Variants in CLCF1 observed in about 807,000 individuals in gnomAD.
The protein encoded by CLCF1 is cardiotrophin like cytokine factor 1.
Under a neutral mutation model 21.2 loss-of-function variants are expected in CLCF1, and 10 were observed. The observed-to-expected ratio is 0.47, with a 90% CI of 0.29 to 0.80. The LOEUF (loss-of-function observed/expected upper bound fraction) is 0.80, where lower values mean the gene tolerates loss of function less well. Ranked by LOEUF, CLCF1 falls within the 30% of genes least tolerant of loss-of-function variation. CLCF1 has a pLI of 0.09. For missense variants in CLCF1, 240 were observed against 293.4 expected (o/e 0.82, Z 1.33); for synonymous variants, 115 against 120.5 (o/e 0.95, Z 0.30).
chr11:67,366,522 T>C (rs1345050312), intron 2 of CLCF1, among the ~76,000 whole-genome samples: 1 of 152,032 alleles, frequency 6.6e-6, no homozygotes, highest in Non-Finnish European at 1.5e-5. Context: ...AGGAAGGCTA[T>C]GGAAGACAGC....
At position 67,364,925 on chromosome 11, in the gene CLCF1, C is replaced by T; in HGVS notation, c.*211G>A. ...GACTTCCTGTAGAAACAGGACAGGA[C>T]AGGGCCTACTGTACCTCCTCCCCAG... On this transcript the variant is annotated 3_prime_UTR_variant, in exon 3 of 3. Coordinates refer to ENST00000312438, the MANE Select transcript of CLCF1 (RefSeq NM_013246.3). 2.8e-6 allele frequency: 2 copies of T among 708,298 alleles called. No homozygotes were observed. The highest frequency in any genetic ancestry group is 1.9e-5 in the South Asian group (1 of 53,248). 43.9% of individuals were successfully genotyped at this position (708,298 alleles called of 1,614,324 possible).
chr11:67,367,321 T>C (rs1324613944), intron 2 of CLCF1, 139 bp downstream of exon 2: 6 of 1,350,430 alleles, frequency 4.4e-6, no homozygotes, highest in African/African-American at 1.4e-5. Flanking sequence ...GGGCAGGAGA[T>C]AGACCAGACA....
chr11:67,368,051 A>C (rs2134884452), intron 1 of CLCF1: 1 of 985,116 alleles, frequency 1.0e-6, no homozygotes, highest in African/African-American at 1.7e-5. Flanking sequence ...GCTTGAGGGG[A>C]GTCAGAGGGT....
intron 1 of CLCF1, chr11:67,370,541 C>CCCCCCCCCCCCTATCCCGG (rs1554978508): frequency 1.1e-6 from 1 of 931,484 alleles, no homozygotes; most frequent in African/African-American, 2.3e-5. Context: ...CCTGCAACAG[C>CCCCCCCCCCCCTATCCCGG]CCCCCACCCC....
At chr11:67,369,200 T>G in intron 1 of CLCF1, 3 of 985,358 alleles carry the variant, frequency 3.0e-6, no homozygotes, top group Non-Finnish European at 3.6e-6. Flanking sequence ...CAGGGGTCAG[T>G]GAGGACTTCG....
rs1862077656 is a variant in CLCF1, at chr11:67,365,554, G to A, written c.260C>T (p.Ala87Val). 1 of 1,613,988 alleles carries A rather than the reference G, an allele frequency of 6.2e-7. No homozygotes were observed. Among genetic ancestry groups the A allele is most frequent in the Non-Finnish European group, 8.5e-7 (1 of 1,179,854 alleles). Residue 87 changes from alanine (A) to valine (V), a missense_variant, in exon 3 of 3, where the codon GCC becomes GTC. Coordinates refer to ENST00000312438, the MANE Select transcript of CLCF1 (RefSeq NM_013246.3). The surrounding 1 kb of genome is among the most constrained non-coding windows in gnomAD (Gnocchi z 5.0). Reference protein sequence around the residue: ...PRLGAETLPRATVDLEVWRSL... With the variant: ...PRLGAETLPRVTVDLEVWRSL... ...TCGCCACACCTCCAAGTCAACAGTGGCCCTGGGCAGAGTCTCTGCCCCCAG... is the reference window on the plus strand; with the variant it reads ...TCGCCACACCTCCAAGTCAACAGTGACCCTGGGCAGAGTCTCTGCCCCCAG...
chr11:67,366,570 C>T (rs1030826805), intron 2 of CLCF1, among the ~76,000 whole-genome samples: 5 of 151,938 alleles, frequency 3.3e-5, no homozygotes, highest in South Asian at 2.1e-4. Flanking sequence ...TTCCAACCCT[C>T]GGGGGAGCGG....
At chr11:67,366,531 G>A (rs1206457627) in intron 2 of CLCF1, among the ~76,000 whole-genome samples, 1 of 152,114 alleles carries the variant, frequency 6.6e-6, no homozygotes, top group Non-Finnish European at 1.5e-5. Flanking sequence ...ATGGAAGACA[G>A]CATGGTATAG....
At position 67,373,511 on chromosome 11, in the gene CLCF1, G is replaced by A; in HGVS notation, c.16+13C>T. The A allele has an allele frequency of 1.4e-6, 2 of 1,382,900 alleles. No individual in the cohort carries two copies. Among genetic ancestry groups the A allele is most frequent in the Non-Finnish European group, 1.9e-6 (2 of 1,044,006 alleles). The allele number at this position is 1,382,900 out of a possible 1,614,324, so 85.7% of individuals were successfully genotyped here. ...CGGGGCGGGGGTCGGGGCCTCGGCC[G>A]CCTGGCTCCTACCTGCTCGGAGGTC... On this transcript the variant is annotated intron_variant, in intron 1 of 2. Coordinates refer to ENST00000312438, the MANE Select transcript of CLCF1 (RefSeq NM_013246.3).
In CLCF1 at chr11:67,372,994, T is replaced by TCCGCCCTCCTCTCCGCCGC. The variant is rs1373560548; in HGVS notation, c.16+511_16+529dup. Among the ~76,000 whole-genome samples, 45 of 149,286 alleles carry TCCGCCCTCCTCTCCGCCGC rather than the reference T, an allele frequency of 3.0e-4. No individual in the cohort carries two copies. The highest frequency in any genetic ancestry group is 9.6e-4 in the African/African-American group (39 of 40,582). On this transcript the variant is annotated intron_variant, in intron 1 of 2. Transcript: ENST00000312438. The surrounding 1 kb of genome is among the most constrained non-coding windows in gnomAD (Gnocchi z 5.9). ...GGCCCAGCCAGGCTCGGCGCTGCCCTCCGCCCTCCTCTCCGCCGCCCGCCC... is the reference window on the plus strand; with the variant it reads ...GGCCCAGCCAGGCTCGGCGCTGCCCTCCGCCCTCCTCTCCGCCGCCCGCCCTCCTCTCCGCCGCCCGCCC...
At chr11:67,373,250 C>T (rs1444998611) in intron 1 of CLCF1, among the ~76,000 whole-genome samples, 1 of 151,692 alleles carries the variant, frequency 6.6e-6, no homozygotes, top group Non-Finnish European at 1.5e-5. Flanking sequence ...CGGCCCGCCT[C>T]GCTGGGGCTC....
rs1862284189 is a variant in CLCF1, at chr11:67,373,583, G to A, written c.-44C>T. On this transcript the variant is annotated 5_prime_UTR_variant, in exon 1 of 3. Coordinates refer to ENST00000312438, the MANE Select transcript of CLCF1 (RefSeq NM_013246.3). ...GCCGGGTGCGGCTCCTCTCCCGGAG[G>A]CTGGCGGAGTGGGAGGGCGAGCCGC... 1.3e-5 allele frequency: 17 copies of A among 1,340,998 alleles called. No individual in the cohort carries two copies. The East Asian group carries it at 5.0e-4, about 39-fold the overall frequency. The allele number at this position is 1,340,998 out of a possible 1,614,324, so 83.1% of individuals were successfully genotyped here.
intron 1 of CLCF1, chr11:67,369,354 A>G (rs1862182615): frequency 3.1e-6 from 3 of 977,842 alleles, no homozygotes; most frequent in Non-Finnish European, 3.6e-6. Flanking sequence ...GTGTTTTAGG[A>G]CAGAGAGTAG....
intron 1 of CLCF1, 104 bp downstream of exon 1, chr11:67,373,419 GC>G: frequency 1.7e-6 from 1 of 590,776 alleles, no homozygotes; most frequent in Non-Finnish European, 2.7e-6. Flanking sequence ...CAGCTCCCTG[GC>G]CCGGCCCCGG....
intron 2 of CLCF1, among the ~76,000 whole-genome samples, chr11:67,367,195 G>T (rs1184047203): frequency 6.6e-6 from 1 of 152,180 alleles, no homozygotes; most frequent in Non-Finnish European, 1.5e-5. Context: ...CCAGGGGGAG[G>T]CGGGCGGCTG....
rs1268857823 is a variant in CLCF1 at position 67,365,797 on chromosome 11, T to A, written c.184-167A>T. The stretch of plus-strand genomic sequence containing the variant: ...CCTCCCTGAGTTTTTCCAATAAGGA[T>A]ATCATTTGTATGCAGGTGACAGTTG... On this transcript the variant is annotated intron_variant, in intron 2 of 2. Transcript: ENST00000312438. This position sits in a 1 kb window ranked among gnomAD's most constrained non-coding sequence, Gnocchi z 5.0. Among the ~76,000 whole-genome samples the A allele has an allele frequency of 1.3e-5, 2 of 152,186 alleles. No homozygotes were observed. Among genetic ancestry groups the A allele is most frequent in the African/African-American group, 4.8e-5 (2 of 41,446 alleles).
chr11:67,367,024 G>A (rs562529931), intron 2 of CLCF1, among the ~76,000 whole-genome samples: 8 of 152,298 alleles, frequency 5.3e-5, no homozygotes, highest in East Asian at 1.9e-4. Flanking sequence ...AGAGGCAGAC[G>A]GAAGGGAGGC....
In CLCF1 at chr11:67,365,597, C is replaced by T; in HGVS notation, c.217G>A (p.Asp73Asn). The change falls in exon 3 of 3, where the codon GAC (aspartate) becomes AAC (asparagine). Residue 73 changes from aspartate (D) to asparagine (N), a missense_variant. Coordinates refer to ENST00000312438, the MANE Select transcript of CLCF1 (RefSeq NM_013246.3). The surrounding 1 kb of genome is among the most constrained non-coding windows in gnomAD (Gnocchi z 5.0). ...NYLGPPFNEPDFNPPRLGAET... is the reference protein window; with the variant it reads ...NYLGPPFNEPNFNPPRLGAET... The stretch of plus-strand genomic sequence containing the variant: ...GCCCCCAGGCGGGGAGGGTTGAAGT[C>T]TGGCTCGTTGAAAGGGGGGCCCAGG... 2 of 1,612,776 alleles carry T rather than the reference C, an allele frequency of 1.2e-6. No individual in the cohort carries two copies. Among genetic ancestry groups the T allele is most frequent in the Non-Finnish European group, 1.7e-6 (2 of 1,178,886 alleles).
intron 1 of CLCF1, chr11:67,368,796 T>G (rs1298230006): frequency 2.0e-6 from 2 of 985,000 alleles, no homozygotes; most frequent in Non-Finnish European, 2.4e-6. Context: ...TTGGTCGGTT[T>G]AGGTATCAGA....
Sources: allele counts gnomAD v4.1 joint callset (sites outside exome capture counted in the v4.1 genomes callset), GRCh38; gene constraint gnomAD v4.1.1; non-coding constraint Gnocchi (gnomAD v3.1); transcripts MANE v1.5; gene names NCBI Gene and HGNC (gene_info 2026-07-23, HGNC 2026-07-21).